PRIM2: variants seen among roughly 807,000 people sequenced by gnomAD.
PRIM2 encodes DNA primase large subunit.
A neutral mutation model predicts 67.3 loss-of-function variants in PRIM2; 39 were observed. The observed-to-expected ratio is 0.58, with a 90% confidence interval of 0.45 to 0.76. The LOEUF is 0.76. Ranked by LOEUF, PRIM2 falls within the 30% of genes least tolerant of loss-of-function variation. The pLI is 0.00. For missense variants in PRIM2, 398 were observed against 598.7 expected, an observed-to-expected ratio of 0.66 and a Z score of 3.50; for synonymous variants, 143 against 198.7, an observed-to-expected ratio of 0.72 and a Z score of 2.36.
chr6:57,335,247 T>C (rs1464003587), intron 5 of PRIM2, among the ~76,000 whole-genome samples: 2 of 152,176 alleles, frequency 1.3e-5, no homozygotes, highest in African/African-American at 4.8e-5. Flanking sequence ...AGCACAGCAG[T>C]CTGAGATCAA....
rs1394680203 is a variant in PRIM2 at position 57,512,162 on chromosome 6, G to A, written c.761+4708G>A. Among the ~76,000 whole-genome samples the A allele has an allele frequency of 7.2e-5, 11 of 152,288 alleles. No individual in the cohort carries two copies. The South Asian group carries it at 2.1e-3, about 29-fold the overall frequency. ...GCTAATGGTATGGATACAAGTCCAA[G>A]TCTTATGAGGATTTGAGGAATAAAT... On this transcript the variant is annotated intron_variant, in intron 8 of 13. Coordinates refer to ENST00000615550, the MANE Select transcript of PRIM2 (RefSeq NM_000947.5).
chr6:57,318,569 T>C lies in PRIM2; in HGVS notation c.124T>C (p.Phe42Leu), dbSNP rs1767551713. The C allele has an allele frequency of 6.3e-7, 1 of 1,576,780 alleles. No individual in the cohort carries two copies. Among genetic ancestry groups the C allele is most frequent in the South Asian group, 1.2e-5 (1 of 86,300 alleles). Reference sequence around the variant, plus strand: ...TTCTGAAAACATATCTTTAATAGAATTTGAAAACTTGGCTATTGATAGAGT... The same window carrying C: ...TTCTGAAAACATATCTTTAATAGAACTTGAAAACTTGGCTATTGATAGAGT... ...PPSENISLIE[F>L]ENLAIDRVKL... Residue 42 changes from phenylalanine (F) to leucine (L), a missense_variant, in exon 2 of 14, where the codon TTT becomes CTT. Transcript: ENST00000615550.
chr6:57,235,135 A>G, the PRIM2 span, among the ~76,000 whole-genome samples: 1 of 151,816 alleles, frequency 6.6e-6, no homozygotes, highest in Non-Finnish European at 1.5e-5. Context: ...TGGGTGACAG[A>G]ATGAGACCCT....
chr6:57,293,253 C>T, the PRIM2 span, among the ~76,000 whole-genome samples: 1 of 152,306 alleles, frequency 6.6e-6, no homozygotes, highest in East Asian at 1.9e-4. Flanking sequence ...CGTCACTGCT[C>T]ATTAGAGAAA....
rs1273770966 is a variant in PRIM2, at chr6:57,537,107, T to C, written c.835-333T>C. On this transcript the variant is annotated intron_variant, in intron 9 of 13. Coordinates refer to ENST00000615550, the MANE Select transcript of PRIM2 (RefSeq NM_000947.5). ...GGGGAATTTGGATATATGCTATCTC[T>C]TTGTATTATTTCTTGTAACTGTATG... 1.4e-3 allele frequency among the ~76,000 whole-genome samples: 212 copies of C among 152,326 alleles called. 5 individuals carry two copies. In the East Asian group the frequency reaches 0.019, roughly 14 times the overall value.
At chr6:57,529,842 C>T (rs1774848849) in intron 8 of PRIM2, among the ~76,000 whole-genome samples, 1 of 152,088 alleles carries the variant, frequency 6.6e-6, no homozygotes, top group Admixed American at 6.5e-5. Context: ...ATAAAGGAAA[C>T]AAATTTATTT....
chr6:57,538,604 A>G (rs1241639507), intron 10 of PRIM2, among the ~76,000 whole-genome samples: 1 of 152,208 alleles, frequency 6.6e-6, no homozygotes, highest in Non-Finnish European at 1.5e-5. Flanking sequence ...ATAGTACTTT[A>G]TTATGTTTTA....
At chr6:57,508,090 C>T (rs1471637016) in intron 8 of PRIM2, among the ~76,000 whole-genome samples, 1 of 152,190 alleles carries the variant, frequency 6.6e-6, no homozygotes, top group African/African-American at 2.4e-5. Context: ...GTGTGGGGCA[C>T]CTCGCCTGTT....
chr6:57,594,184 GTTTTC>G (rs1241680479), intron 10 of PRIM2, among the ~76,000 whole-genome samples: 2 of 152,172 alleles, frequency 1.3e-5, no homozygotes, highest in Non-Finnish European at 2.9e-5. Flanking sequence ...TTTCTTGAAA[GTTTTC>G]TTTTCTTTGA....
chr6:57,438,799 G>A (rs1198430742), intron 7 of PRIM2, among the ~76,000 whole-genome samples: 1 of 151,702 alleles, frequency 6.6e-6, no homozygotes, highest in Non-Finnish European at 1.5e-5. Context: ...GGGAAACGGA[G>A]TCTCTCTCTT....
At chr6:57,617,292 G>A (rs1216414605) in intron 12 of PRIM2, among the ~76,000 whole-genome samples, 1 of 152,086 alleles carries the variant, frequency 6.6e-6, no homozygotes, top group African/African-American at 2.4e-5. Context: ...TTTTTAGGAG[G>A]ACACCAGTAA....
intron 12 of PRIM2, among the ~76,000 whole-genome samples, chr6:57,631,683 T>A (rs1206439124): frequency 1.4e-3 from 212 of 152,322 alleles, no homozygotes; most frequent in Non-Finnish European, 2.3e-3. Flanking sequence ...CAGTATTTTA[T>A]GCTGTATCTG....
intron 8 of PRIM2, among the ~76,000 whole-genome samples, chr6:57,510,818 T>C (rs1554347649): frequency 1.6e-3 from 239 of 152,326 alleles, no homozygotes; most frequent in Non-Finnish European, 2.3e-3. Context: ...TGTAATGTTT[T>C]TATTTTATCT....
chr6:57,500,474 T>C (rs1281059770), intron 7 of PRIM2, among the ~76,000 whole-genome samples: 1 of 152,208 alleles, frequency 6.6e-6, no homozygotes, highest in Non-Finnish European at 1.5e-5. Context: ...GAAGGTTTAC[T>C]CAAGCAAAAA....
chr6:57,455,602 C>T (rs1192041431), intron 7 of PRIM2, among the ~76,000 whole-genome samples: 12 of 152,076 alleles, frequency 7.9e-5, no homozygotes, highest in Non-Finnish European at 1.6e-4. Flanking sequence ...GAGACTAGGA[C>T]TGCAACCCCT....
intron 10 of PRIM2, among the ~76,000 whole-genome samples, chr6:57,539,040 T>C (rs1775078187): frequency 6.6e-6 from 1 of 152,166 alleles, no homozygotes; most frequent in African/African-American, 2.4e-5. Context: ...TTTTTAAAAA[T>C]AACATTATAA....
chr6:57,535,955 A>G (rs1774993140), intron 9 of PRIM2, among the ~76,000 whole-genome samples: 1 of 152,180 alleles, frequency 6.6e-6, no homozygotes, highest in African/African-American at 2.4e-5. Flanking sequence ...TTGAATATTG[A>G]TTGTATGGAT....
intron 10 of PRIM2, among the ~76,000 whole-genome samples, chr6:57,548,453 A>G: frequency 6.6e-6 from 1 of 152,172 alleles, no homozygotes; most frequent in Non-Finnish European, 1.5e-5. Flanking sequence ...AGGAGCAGTA[A>G]AACTCATGGA....
chr6:57,352,535 G>A (rs370920102), intron 5 of PRIM2, among the ~76,000 whole-genome samples: 1 of 152,058 alleles, frequency 6.6e-6, no homozygotes, highest in African/African-American at 2.4e-5. Flanking sequence ...CACCACGCCC[G>A]GCCTATTAAA....
Sources: gnomAD v4.1 joint callset for allele counts (sites outside exome capture counted in the v4.1 genomes callset) on GRCh38, gnomAD v4.1.1 for gene constraint, MANE v1.5 for transcripts, NCBI Gene and HGNC (gene_info 2026-07-23, HGNC 2026-07-21) for gene names.